CCSER1: variants seen among roughly 807,000 people sequenced by gnomAD.
CCSER1 encodes serine-rich coiled-coil domain-containing protein 1.
A neutral mutation model predicts 82.0 loss-of-function variants in CCSER1; 41 were observed. That is an observed-to-expected ratio of 0.50 (90% CI 0.39 to 0.65). The LOEUF (loss-of-function observed/expected upper bound fraction) is 0.65, where lower values mean the gene tolerates loss of function less well. CCSER1 is among the 30% of genes least tolerant of loss of function. The pLI, the probability that CCSER1 is intolerant of heterozygous loss-of-function variation, is 0.00. For synonymous variants in CCSER1, 414 were observed against 383.9 expected, an observed-to-expected ratio of 1.08 and a Z score of -0.92; for missense variants, 1,119 against 1,064.2, an observed-to-expected ratio of 1.05 and a Z score of -0.72.
At chr4:90,325,513 G>T in intron 3 of CCSER1, 1 of 200,274 alleles carries the variant, frequency 5.0e-6, no homozygotes, top group Non-Finnish European at 1.1e-5. Flanking sequence ...TCCGTGAGAG[G>T]ACAACTGCTT....
intron 10 of CCSER1, among the ~76,000 whole-genome samples, chr4:91,526,666 G>T (rs902868231): frequency 6.6e-5 from 10 of 152,064 alleles, no homozygotes; most frequent in Non-Finnish European, 1.2e-4. Flanking sequence ...GTGCAATGAT[G>T]CGATCTTGGC....
At chr4:90,639,995 GGAGCTAGGAAGAACACTAA>G (rs1726187975) in intron 6 of CCSER1, among the ~76,000 whole-genome samples, 2 of 151,966 alleles carry the variant, frequency 1.3e-5, no homozygotes, top group South Asian at 4.2e-4. Context: ...GAGTGTCCAG[GGAGCTAGGAAGAACACTAA>G]GAGCATAGTG....
intron 4 of CCSER1, among the ~76,000 whole-genome samples, chr4:90,436,123 T>C (rs1758960783): frequency 6.6e-6 from 1 of 152,124 alleles, no homozygotes; most frequent in Admixed American, 6.6e-5. Context: ...TAAACTTGAA[T>C]TAAAGCACAT....
intron 10 of CCSER1, among the ~76,000 whole-genome samples, chr4:91,490,914 A>T (rs1395541867): frequency 2.3e-5 from 2 of 85,794 alleles, no homozygotes; most frequent in African/African-American, 8.4e-5. Context: ...ATATATATAT[A>T]TATATATATA....
In CCSER1 at chr4:91,380,536, TAA is replaced by T. The variant is rs565781012; in HGVS notation, c.2218-218034_2218-218033del. Among the ~76,000 whole-genome samples the T allele has an allele frequency of 3.0e-3, 456 of 152,344 alleles. 1 individual carries two copies. The highest frequency in any genetic ancestry group is 0.01 in the African/African-American group (430 of 41,570). ...TTGTCTCTTTTGATCTTTGATGGTT[TAA>T]AGTCTGTTTTATCAGAGACTAGGAT... On this transcript the variant is annotated intron_variant, in intron 10 of 10. Transcript: ENST00000509176.
chr4:90,918,029 G>T (rs1727762090), intron 8 of CCSER1, among the ~76,000 whole-genome samples: 1 of 151,702 alleles, frequency 6.6e-6, no homozygotes. Flanking sequence ...TCTTTTTCTA[G>T]CTTTTACCTA....
intron 5 of CCSER1, among the ~76,000 whole-genome samples, chr4:90,557,401 C>T: frequency 6.6e-6 from 1 of 151,906 alleles, no homozygotes; most frequent in East Asian, 1.9e-4. Context: ...TGATTATGTT[C>T]CTACTAATAA....
At chr4:90,232,255 GT>G (rs1744742836) in intron 1 of CCSER1, among the ~76,000 whole-genome samples, 1 of 151,426 alleles carries the variant, frequency 6.6e-6, no homozygotes, top group Non-Finnish European at 1.5e-5. Context: ...AAACAGCATG[GT>G]ACCGGTACCA....
At chr4:90,426,490 A>G (rs1757547127) in intron 4 of CCSER1, among the ~76,000 whole-genome samples, 1 of 152,182 alleles carries the variant, frequency 6.6e-6, no homozygotes, top group African/African-American at 2.4e-5. Flanking sequence ...GAGTGGTGAC[A>G]TATTTTATGA....
chr4:90,591,585 G>A (rs1782700982), intron 5 of CCSER1, among the ~76,000 whole-genome samples: 1 of 152,140 alleles, frequency 6.6e-6, no homozygotes, highest in Non-Finnish European at 1.5e-5. Flanking sequence ...CTCTATTGAT[G>A]GGAGTCTAAA....
chr4:90,941,862 G>A (rs1731629905), intron 9 of CCSER1, among the ~76,000 whole-genome samples: 1 of 152,056 alleles, frequency 6.6e-6, no homozygotes, highest in South Asian at 2.1e-4. Context: ...CCCTCATTGG[G>A]GGAAAGACAA....
Position 90,934,062 on chromosome 4 carries a change from G to A in CCSER1, c.2172+10615G>A, listed in dbSNP as rs193001499. Among the ~76,000 whole-genome samples the A allele has an allele frequency of 3.8e-4, 58 of 151,814 alleles. 1 individual carries two copies. In the East Asian group the frequency reaches 0.011, roughly 29 times the overall value. On this transcript the variant is annotated intron_variant, in intron 9 of 10. Coordinates refer to ENST00000509176, the MANE Select transcript of CCSER1 (RefSeq NM_001145065.2). ...TTAACCTGAACATACACTTTCATAT[G>A]TACCAAATAATATTTTCATAAGGTT... is the stretch of plus-strand genomic sequence containing the variant.
chr4:91,340,479 C>T (rs189110182), intron 10 of CCSER1, among the ~76,000 whole-genome samples: 1 of 151,918 alleles, frequency 6.6e-6, no homozygotes, highest in African/African-American at 2.4e-5. Flanking sequence ...TTTGCTGTAG[C>T]CTTTGAGAAG....
intron 9 of CCSER1, among the ~76,000 whole-genome samples, chr4:91,029,735 AAAT>A (rs2150551380): frequency 6.6e-6 from 1 of 152,224 alleles, no homozygotes; most frequent in Non-Finnish European, 1.5e-5. Context: ...TGTAAAGTAA[AAAT>A]AATAATTATG....
chr4:91,545,642 C>A (rs1185706692), intron 10 of CCSER1, among the ~76,000 whole-genome samples: 1 of 152,074 alleles, frequency 6.6e-6, no homozygotes, highest in Non-Finnish European at 1.5e-5. Flanking sequence ...TTCTATCTTA[C>A]AACCTTGCTA....
rs140118417 is a variant in CCSER1, at chr4:91,193,844, G to A, written c.2217+107850G>A. ...TTGATTTTTTTTTTCAAATGCTATG[G>A]CCTGATGTCCCTTATGATTGCTATG... On this transcript the variant is annotated intron_variant, in intron 10 of 10. Transcript: ENST00000509176. 5.9e-3 allele frequency among the ~76,000 whole-genome samples: 897 copies of A among 151,094 alleles called. 14 individuals are homozygous for A. Among genetic ancestry groups the A allele is most frequent in the African/African-American group, 0.021 (853 of 41,072 alleles).
intron 9 of CCSER1, among the ~76,000 whole-genome samples, chr4:90,928,342 C>G (rs1259463641): frequency 6.6e-6 from 1 of 151,992 alleles, no homozygotes; most frequent in East Asian, 1.9e-4. Context: ...CACATCTTAT[C>G]CAGTGGTAAT....
intron 1 of CCSER1, among the ~76,000 whole-genome samples, chr4:90,159,118 CA>C (rs1051408257): frequency 2.6e-5 from 4 of 152,112 alleles, no homozygotes; most frequent in African/African-American, 9.7e-5. Flanking sequence ...CCTGCAGCCT[CA>C]AACTCCTGAG....
At chr4:90,557,664 A>G (rs751436214) in intron 5 of CCSER1, among the ~76,000 whole-genome samples, 3 of 152,168 alleles carry the variant, frequency 2.0e-5, no homozygotes, top group Non-Finnish European at 4.4e-5. Context: ...CAGTTTGAAC[A>G]ATAGAATTTC....
Sources: gnomAD v4.1 joint callset for allele counts (sites outside exome capture counted in the v4.1 genomes callset) on GRCh38, gnomAD v4.1.1 for gene constraint, MANE v1.5 for transcripts, NCBI Gene and HGNC (gene_info 2026-07-23, HGNC 2026-07-21) for gene names.